Variants in ERICH3 observed in about 807,000 individuals in gnomAD.
The protein encoded by ERICH3 is glutamate rich 3, also known as glutamate-rich protein 3.
Under a neutral mutation model 131.1 loss-of-function variants are expected in ERICH3, and 126 were observed. The ratio of observed to expected loss-of-function variants is 0.96; its 90% CI spans 0.83 to 1.11. The LOEUF is 1.11. Among genes scored for constraint, ERICH3 ranks in the 50% most tolerant of loss-of-function variants. The pLI, the probability that ERICH3 is intolerant of heterozygous loss-of-function variation, is 0.00. For missense variants in ERICH3, 2,050 were observed against 1,810.7 expected, an observed-to-expected ratio of 1.13 and a Z score of -2.40; for synonymous variants, 695 against 644.6, an observed-to-expected ratio of 1.08 and a Z score of -1.18.
intron 9 of ERICH3, among the ~76,000 whole-genome samples, chr1:74,607,311 T>C (rs1234778372): frequency 6.6e-6 from 1 of 151,946 alleles, no homozygotes; most frequent in African/African-American, 2.4e-5. Context: ...TAAATGAGAA[T>C]TTTGTGATAA....
At position 74,663,169 on chromosome 1, in the gene ERICH3, T is replaced by A. The variant is rs369056659; in HGVS notation, c.23+10328A>T. On this transcript the variant is annotated intron_variant, in intron 1 of 14. Coordinates refer to ENST00000326665, the MANE Select transcript of ERICH3 (RefSeq NM_001002912.5). Reference sequence around the variant, plus strand: ...GCCTACTTATGTACCATCAATATTATAAGCTACCAGACACCAAGCGAACAT... The same window carrying A: ...GCCTACTTATGTACCATCAATATTAAAAGCTACCAGACACCAAGCGAACAT... Among the ~76,000 whole-genome samples the A allele has an allele frequency of 7.9e-5, 12 of 152,258 alleles. No individual in the cohort carries two copies. In the South Asian group the frequency reaches 2.5e-3, roughly 32 times the overall value.
At chr1:74,588,742 G>C (rs536214416) in intron 12 of ERICH3, among the ~76,000 whole-genome samples, 2 of 152,028 alleles carry the variant, frequency 1.3e-5, no homozygotes, top group Non-Finnish European at 2.9e-5. Context: ...GCTCTCCACA[G>C]GACACCCCTC....
chr1:74,670,729 G>T (rs903061101), intron 1 of ERICH3, among the ~76,000 whole-genome samples: 4 of 152,130 alleles, frequency 2.6e-5, no homozygotes, highest in Non-Finnish European at 4.4e-5. Context: ...GAATAACAGC[G>T]ATTTTTAGGG....
chr1:74,576,501 A>G (rs1647056889), intron 13 of ERICH3, among the ~76,000 whole-genome samples: 1 of 152,210 alleles, frequency 6.6e-6, no homozygotes, highest in South Asian at 2.1e-4. Flanking sequence ...TCAGGGAACC[A>G]GCATAAATAC....
At chr1:74,579,744 T>G in intron 12 of ERICH3, 1 of 985,170 alleles carries the variant, frequency 1.0e-6, no homozygotes, top group Admixed American at 6.2e-5. Flanking sequence ...ATTTCAGCAA[T>G]GTGACATATC....
intron 12 of ERICH3, 58 bp from the exon 13 acceptor site, chr1:74,576,994 A>G (rs1647070868): frequency 6.8e-6 from 10 of 1,479,222 alleles, no homozygotes; most frequent in Non-Finnish European, 8.2e-6. Flanking sequence ...GAAATGTACC[A>G]TGGTTCTCCA....
chr1:74,633,543 A>C lies in ERICH3; in HGVS notation c.604-1615T>G, dbSNP rs138579367. The stretch of plus-strand genomic sequence containing the variant: ...AAATGGTTTACCAGTTTTTCAAAAA[A>C]ATTAACATGTTGTTCTTTACCTTGC... On this transcript the variant is annotated intron_variant, in intron 6 of 14. Coordinates refer to ENST00000326665, the MANE Select transcript of ERICH3 (RefSeq NM_001002912.5). Among the ~76,000 whole-genome samples, 46 of 152,098 alleles carry C rather than the reference A, an allele frequency of 3.0e-4. 1 individual carries two copies. The highest frequency in any genetic ancestry group is 8.7e-4 in the African/African-American group (36 of 41,564).
intron 1 of ERICH3, among the ~76,000 whole-genome samples, chr1:74,653,669 A>T (rs1312651800): frequency 6.6e-6 from 1 of 152,154 alleles, no homozygotes; most frequent in East Asian, 1.9e-4. Context: ...CTTTTATCTT[A>T]CTAAAGTGGA....
intron 7 of ERICH3, chr1:74,621,471 G>C (rs1649218651): frequency 6.6e-6 from 1 of 152,166 alleles, no homozygotes; most frequent in African/African-American, 2.4e-5. Flanking sequence ...TTTCTTCTAC[G>C]GTCATTCTGA....
At chr1:74,590,431 T>C (rs1048879505) in intron 11 of ERICH3, among the ~76,000 whole-genome samples, 1 of 152,206 alleles carries the variant, frequency 6.6e-6, no homozygotes, top group African/African-American at 2.4e-5. Context: ...AGCCCTGAGC[T>C]TGTTTTCCTG....
At chr1:74,633,631 A>T (rs999990700) in intron 6 of ERICH3, among the ~76,000 whole-genome samples, 3 of 152,014 alleles carry the variant, frequency 2.0e-5, no homozygotes, top group Non-Finnish European at 4.4e-5. Flanking sequence ...AATACTTTTT[A>T]AATGTACTTT....
intron 1 of ERICH3, among the ~76,000 whole-genome samples, chr1:74,669,591 T>C (rs1239697947): frequency 6.6e-6 from 1 of 151,854 alleles, no homozygotes. Flanking sequence ...TTTTCCACTC[T>C]AAAACAATTT....
In ERICH3 at chr1:74,643,051, C is replaced by T; in HGVS notation, c.291G>A (p.Arg97=). The change falls in exon 4 of 15, where the codon AGG becomes AGA. Residue 97 remains arginine (R), a synonymous_variant. Coordinates refer to ENST00000326665, the MANE Select transcript of ERICH3 (RefSeq NM_001002912.5). ...CCTTAAACCTCTGGATTCGCTCCTTCCTAGCTAAGGTCTCCAATTTCTTTT... is the reference window on the plus strand; with the variant it reads ...CCTTAAACCTCTGGATTCGCTCCTTTCTAGCTAAGGTCTCCAATTTCTTTT... ...EIKKKLETLA[R]KERIQRFKGE... The T allele has an allele frequency of 1.2e-6, 2 of 1,610,954 alleles. No homozygotes were observed. The highest frequency in any genetic ancestry group is 1.1e-5 in the South Asian group (1 of 90,946).
chr1:74,577,280 T>G, intron 12 of ERICH3: 1 of 175,174 alleles, frequency 5.7e-6, no homozygotes, highest in Non-Finnish European at 1.2e-5. Context: ...GAAACAAGAA[T>G]AGGAAGGGTG....
intron 1 of ERICH3, among the ~76,000 whole-genome samples, chr1:74,663,578 T>A (rs1315840270): frequency 4.0e-5 from 6 of 148,942 alleles, no homozygotes; most frequent in Admixed American, 2.7e-4. Flanking sequence ...TAAAGGAAAG[T>A]CTAATGGAAG....
intron 9 of ERICH3, among the ~76,000 whole-genome samples, chr1:74,611,544 A>G (rs1011999125): frequency 6.6e-6 from 1 of 152,148 alleles, no homozygotes; most frequent in Non-Finnish European, 1.5e-5. Context: ...TCCTTCTCAG[A>G]TAAAAGTTAA....
intron 8 of ERICH3, among the ~76,000 whole-genome samples, chr1:74,617,707 C>T (rs933690061): frequency 1.3e-5 from 2 of 152,152 alleles, no homozygotes; most frequent in Non-Finnish European, 2.9e-5. Flanking sequence ...GACCAACTGT[C>T]AAAGAGAACA....
intron 6 of ERICH3, among the ~76,000 whole-genome samples, chr1:74,634,068 T>G (rs1646365531): frequency 6.6e-6 from 1 of 152,096 alleles, no homozygotes; most frequent in South Asian, 2.1e-4. Context: ...TGTATATACT[T>G]TACTCTTTAA....
intron 9 of ERICH3, among the ~76,000 whole-genome samples, chr1:74,609,247 T>C (rs1421525030): frequency 6.6e-6 from 1 of 152,066 alleles, no homozygotes. Context: ...GCTCAGCTTT[T>C]CTTGTTTTCT....
Sources: gnomAD v4.1 joint callset for allele counts (sites outside exome capture counted in the v4.1 genomes callset) on GRCh38, gnomAD v4.1.1 for gene constraint, MANE v1.5 for transcripts, NCBI Gene and HGNC (gene_info 2026-07-23, HGNC 2026-07-21) for gene names.